The following CNGB1 variants were observed in gnomAD, a reference collection of about 807,000 sequenced individuals.
CNGB1 encodes the protein cyclic nucleotide gated channel subunit beta 1.
In CNGB1, 126 loss-of-function variants were observed where a neutral mutation model predicts 151.7. That is an observed-to-expected ratio of 0.83 (90% CI 0.72 to 0.96). The LOEUF (loss-of-function observed/expected upper bound fraction) is 0.96, where lower values mean the gene tolerates loss of function less well. Among genes scored for constraint, CNGB1 ranks in the 40% least tolerant of loss-of-function variants. CNGB1 has a pLI of 0.00. For synonymous variants in CNGB1, 623 were observed against 635.1 expected (o/e 0.98, Z 0.29); for missense variants, 1,698 against 1,627.0 (o/e 1.04, Z -0.75).
At chr16:57,916,576 G>A (rs1319876129) in intron 21 of CNGB1, among the ~76,000 whole-genome samples, 2 of 152,124 alleles carry the variant, frequency 1.3e-5, no homozygotes, top group Admixed American at 6.5e-5. Flanking sequence ...AAGGAAAATC[G>A]TTTACAGGCA....
chr16:57,914,405 C>CAAA (rs1960807915), intron 23 of CNGB1, among the ~76,000 whole-genome samples: 1 of 152,228 alleles, frequency 6.6e-6, no homozygotes, highest in South Asian at 2.1e-4. Flanking sequence ...CTCGATTCCA[C>CAAA]ATAGGTGTGC....
intron 18 of CNGB1, among the ~76,000 whole-genome samples, chr16:57,921,799 G>A (rs3784899): frequency 0.027 from 4,080 of 152,236 alleles, 81 homozygotes; most frequent in Non-Finnish European, 0.039. Context: ...ACTGTCATCT[G>A]GGTCCCTAAA....
chr16:57,939,693 A>T, intron 15 of CNGB1, 101 bp from the exon 16 acceptor site: 1 of 1,512,094 alleles, frequency 6.6e-7, no homozygotes, highest in East Asian at 2.3e-5. Context: ...ACATGGGCCC[A>T]GTTCTGCTTC....
chr16:57,951,319 T>G (rs1386054925), intron 12 of CNGB1, among the ~76,000 whole-genome samples: 7 of 152,214 alleles, frequency 4.6e-5, no homozygotes, highest in African/African-American at 1.7e-4. Context: ...TCCAGGGATC[T>G]TGGTGGACCT....
In CNGB1 at chr16:57,935,947, C is replaced by T. The variant is rs189515450; in HGVS notation, c.1372+3483G>A. On this transcript the variant is annotated intron_variant, in intron 16 of 32. Transcript: ENST00000251102. ...GAGAGGAGAGAAGGACAACAGTGGA[C>T]GTCTTCCCGTGAAATGTTCTGTCCT... Among the ~76,000 whole-genome samples the T allele has an allele frequency of 5.9e-5, 9 of 152,194 alleles. No homozygotes were observed. The East Asian group carries it at 1.5e-3, about 26-fold the overall frequency.
rs779066706 is a variant in CNGB1 at position 57,949,360 on chromosome 16, C to A, written c.1114G>T (p.Val372Leu). 4 of 1,610,644 alleles carry A rather than the reference C, an allele frequency of 2.5e-6. No individual in the cohort carries two copies. Among genetic ancestry groups the A allele is most frequent in the Non-Finnish European group, 2.5e-6 (3 of 1,179,962 alleles). The change falls in exon 14 of 33, where the codon GTG (valine) becomes TTG (leucine). Residue 372 changes from valine to leucine, a missense_variant. Coordinates refer to ENST00000251102, the MANE Select transcript of CNGB1 (RefSeq NM_001297.5). ...GGTGAGCAAATGACTTACTCAGTCA[C>A]CTCCTCCTCTTCCTCCTCCTCCTCC... ...EEEEEEEEEE[V>L]TEVLLDSCVV...
At chr16:57,920,268 G>A in intron 19 of CNGB1, 119 bp downstream of exon 19, 3 of 1,120,376 alleles carry the variant, frequency 2.7e-6, no homozygotes, top group Non-Finnish European at 4.0e-6. Context: ...TGGGGATCTG[G>A]GCTTCTCTCA....
At chr16:57,954,068 G>A (rs1962027049) in intron 12 of CNGB1, among the ~76,000 whole-genome samples, 1 of 152,066 alleles carries the variant, frequency 6.6e-6, no homozygotes, top group Non-Finnish European at 1.5e-5. Context: ...TCACTCCCCT[G>A]CTCAATCACC....
In CNGB1 at chr16:57,884,227, CG is replaced by C. The variant is rs1478573399; in HGVS notation, c.3692del (p.Pro1231ArgfsTer10). ...HSVRICMSPG[P>X]EPGEQILSVK... The stretch of plus-strand genomic sequence containing the variant: ...CCGACAGGATCTGCTCTCCCGGCTC[CG>C]GGCCCGGGCTCATGCAGATCCTCAC... On this transcript the variant is annotated frameshift_variant, in exon 33 of 33. Transcript: ENST00000251102. LOFTEE classifies it low-confidence loss of function (END_TRUNC). The C allele has an allele frequency of 6.2e-7, 1 of 1,613,852 alleles. No individual in the cohort carries two copies. Among genetic ancestry groups the C allele is most frequent in the Non-Finnish European group, 8.5e-7 (1 of 1,179,938 alleles).
At chr16:57,943,754 C>T (rs1000263538) in intron 14 of CNGB1, among the ~76,000 whole-genome samples, 19 of 152,222 alleles carry the variant, frequency 1.2e-4, no homozygotes, top group African/African-American at 3.6e-4. Context: ...TTCACACAGC[C>T]ATTATGGAAA....
intron 31 of CNGB1, among the ~76,000 whole-genome samples, chr16:57,892,656 CA>C (rs35804354): frequency 0.11 from 16,863 of 152,034 alleles, 1,646 homozygotes; most frequent in African/African-American, 0.27. Context: ...AGGTCTGACC[CA>C]ATCTCTTCCC....
At chr16:57,939,738 A>AGAAGGTGGGCTGG in intron 15 of CNGB1, 146 bp from the exon 16 acceptor site, 2 of 1,113,886 alleles carry the variant, frequency 1.8e-6, no homozygotes, top group Non-Finnish European at 2.7e-6. Flanking sequence ...CTGCCAGCCC[A>AGAAGGTGGGCTGG]CCTTCTGGGC....
intron 29 of CNGB1, 84 bp downstream of exon 29, chr16:57,901,268 G>A: frequency 4.5e-6 from 6 of 1,330,738 alleles, no homozygotes; most frequent in Non-Finnish European, 4.3e-6. Context: ...GCCCTGGGCT[G>A]GCAGGCACCC....
At position 57,901,607 on chromosome 16, in the gene CNGB1, A is replaced by G. The variant is rs771295293; in HGVS notation, c.2813T>C (p.Val938Ala). The G allele has an allele frequency of 3.7e-6, 6 of 1,613,870 alleles. No homozygotes were observed. The Admixed American group carries it at 6.7e-5, about 18-fold the overall frequency. ...CAGCCGCATCTTGTCTGGAAGCTGC[A>G]CCATCAGCTCTGACTCATCTGTGAA... The part of the protein sequence containing the change: ...QGMLDESELM[V>A]QLPDKMRLDL... Residue 938 changes from valine (V) to alanine (A), a missense_variant, in exon 28 of 33, where the codon GTG becomes GCG. Val to Ala is a moderately conservative substitution (Grantham distance 64). Coordinates refer to ENST00000251102, the MANE Select transcript of CNGB1 (RefSeq NM_001297.5).
At chr16:57,902,066 T>TTTGTTG (rs370176455) in intron 27 of CNGB1, among the ~76,000 whole-genome samples, 5 of 150,660 alleles carry the variant, frequency 3.3e-5, no homozygotes, top group African/African-American at 1.2e-4. Context: ...TATTTATGTT[T>TTTGTTG]TTGTTGTTGT....
intron 14 of CNGB1, among the ~76,000 whole-genome samples, chr16:57,944,951 T>TA (rs367717137): frequency 0.19 from 19,534 of 103,582 alleles, 2,111 homozygotes; most frequent in African/African-American, 0.33. Flanking sequence ...ACTCTGTCTT[T>TA]AAAAAAAAAA....
chr16:57,889,585 G>A lies in CNGB1; in HGVS notation c.3243-1511C>T, dbSNP rs752386261. 4.6e-5 allele frequency among the ~76,000 whole-genome samples: 7 copies of A among 152,296 alleles called. No individual in the cohort carries two copies. In the South Asian group the frequency reaches 1.0e-3, roughly 23 times the overall value. On this transcript the variant is annotated intron_variant, in intron 31 of 32. Coordinates refer to ENST00000251102, the MANE Select transcript of CNGB1 (RefSeq NM_001297.5). ...CTTCTAACCCACAGAAACTGAGATC[G>A]CAAATGTGTGACTTTAAACAGCTAA...
intron 21 of CNGB1, among the ~76,000 whole-genome samples, chr16:57,916,620 C>T (rs1319098497): frequency 6.6e-6 from 1 of 152,196 alleles, no homozygotes; most frequent in African/African-American, 2.4e-5. Flanking sequence ...GCAAAACAGG[C>T]ACTGCCGGGG....
intron 25 of CNGB1, among the ~76,000 whole-genome samples, chr16:57,906,279 C>G (rs1056836516): frequency 2.0e-5 from 3 of 152,174 alleles, no homozygotes; most frequent in Admixed American, 6.5e-5. Context: ...TACAGAAGAC[C>G]ATGAAGACAA....
Sources: allele counts gnomAD v4.1 joint callset (sites outside exome capture counted in the v4.1 genomes callset), GRCh38; gene constraint gnomAD v4.1.1; transcripts MANE v1.5; gene names NCBI Gene and HGNC (gene_info 2026-07-23, HGNC 2026-07-21).